Variants in HMGB1 observed in about 807,000 individuals in gnomAD.
HMGB1 encodes the protein high mobility group protein B1.
For missense variants in HMGB1, 79 were observed against 253.5 expected (o/e 0.31, Z 4.67); for synonymous variants, 81 against 84.0 (o/e 0.96, Z 0.19).
intron 1 of HMGB1, among the ~76,000 whole-genome samples, chr13:30,526,866 A>G (rs1301247586): frequency 1.3e-5 from 2 of 152,234 alleles, no homozygotes; most frequent in Non-Finnish European, 2.9e-5. Context: ...TGTTCTAATG[A>G]TTTAGCAGCA....
chr13:30,528,747 G>T (rs1227496379), intron 1 of HMGB1, among the ~76,000 whole-genome samples: 4 of 152,016 alleles, frequency 2.6e-5, no homozygotes, highest in African/African-American at 9.7e-5. Flanking sequence ...TGAATTTTGG[G>T]GCCGGGCGCG....
chr13:30,555,378 A>G (rs1326996711), intron 1 of HMGB1, among the ~76,000 whole-genome samples: 1 of 152,186 alleles, frequency 6.6e-6, no homozygotes, highest in East Asian at 1.9e-4. Context: ...ACGTAGAAAT[A>G]TGTAAAAGAA....
Position 30,538,689 on chromosome 13 carries a change from C to A in HMGB1, c.-14-74995G>T, listed in dbSNP as rs868757309. On this transcript the variant is annotated intron_variant, in intron 1 of 4. Transcript: ENST00000405805. ...CTTTCTTTCTTTCTTTCTTTCCTTT[C>A]TTTCTTTCTTTCTTTTTCTTTCTTT... Among the ~76,000 whole-genome samples, 148 of 65,864 alleles carry A rather than the reference C, an allele frequency of 2.2e-3. 1 individual carries two copies. Among genetic ancestry groups the A allele is most frequent in the African/African-American group, 3.7e-3 (50 of 13,696 alleles). 43.2% of individuals were successfully genotyped at this position (65,864 alleles called of 152,430 possible).
intron 1 of HMGB1, among the ~76,000 whole-genome samples, chr13:30,528,781 C>A (rs1199004415): frequency 6.6e-6 from 1 of 152,042 alleles, no homozygotes; most frequent in Non-Finnish European, 1.5e-5. Context: ...GTAATCCCAG[C>A]ACTTTGGGAG....
At chr13:30,471,442 G>C (rs1041657558) in intron 1 of HMGB1, among the ~76,000 whole-genome samples, 1 of 151,614 alleles carries the variant, frequency 6.6e-6, no homozygotes, top group African/African-American at 2.4e-5. Flanking sequence ...CTGTCTCCCA[G>C]GTTCAAGTGA....
At chr13:30,503,829 T>G (rs1887793084) in intron 1 of HMGB1, among the ~76,000 whole-genome samples, 1 of 151,698 alleles carries the variant, frequency 6.6e-6, no homozygotes, top group African/African-American at 2.4e-5. Context: ...GGCCATGGAG[T>G]GAGGACTGCT....
chr13:30,570,945 T>C (rs138329716), intron 1 of HMGB1, among the ~76,000 whole-genome samples: 1 of 152,374 alleles, frequency 6.6e-6, no homozygotes, highest in East Asian at 1.9e-4. Context: ...TTCACTTTCA[T>C]ATTCTTGTAA....
intron 1 of HMGB1, among the ~76,000 whole-genome samples, chr13:30,550,235 G>A (rs1021532193): frequency 6.6e-6 from 1 of 152,088 alleles, no homozygotes; most frequent in Non-Finnish European, 1.5e-5. Flanking sequence ...AGTCATGTAT[G>A]TTCATTTGTC....
chr13:30,483,180 A>T (rs940950993), intron 1 of HMGB1, among the ~76,000 whole-genome samples: 1 of 151,860 alleles, frequency 6.6e-6, no homozygotes, highest in Non-Finnish European at 1.5e-5. Flanking sequence ...AGCACTCCTC[A>T]CCCACAGGTG....
chr13:30,506,186 G>A (rs1652195482), intron 1 of HMGB1, among the ~76,000 whole-genome samples: 1 of 152,176 alleles, frequency 6.6e-6, no homozygotes, highest in Non-Finnish European at 1.5e-5. Flanking sequence ...AGCATCAGGG[G>A]ACCTGAACAG....
At chr13:30,492,322 CA>C (rs796448704) in intron 1 of HMGB1, among the ~76,000 whole-genome samples, 12 of 143,878 alleles carry the variant, frequency 8.3e-5, no homozygotes, top group Non-Finnish European at 1.2e-4. Flanking sequence ...AGCCTCATCT[CA>C]AAAAAAAATT....
At position 30,459,865 on chromosome 13, in the gene HMGB1, ATTATTAGT is replaced by A. The variant is rs1465804387; in HGVS notation, c.*1484_*1491del. ...TTAACTAGTATTTAAAACCTCTGCAATTATTAGTTTATTAGTATCATCCAGGACTCAGA... is the reference window on the plus strand; with the variant it reads ...TTAACTAGTATTTAAAACCTCTGCAATTATTAGTATCATCCAGGACTCAGA... On this transcript the variant is annotated 3_prime_UTR_variant, in exon 5 of 5. Transcript: ENST00000341423. 6.6e-6 allele frequency: 1 copy of A among 152,624 alleles called. No individual in the cohort carries two copies. The highest frequency in any genetic ancestry group is 1.5e-5 in the Non-Finnish European group (1 of 68,008). 9.5% of individuals were successfully genotyped at this position (152,624 alleles called of 1,614,324 possible).
intron 1 of HMGB1, among the ~76,000 whole-genome samples, chr13:30,465,437 G>C (rs1366076029): frequency 2.1e-5 from 3 of 141,468 alleles, no homozygotes. Flanking sequence ...CGCGCTCCGC[G>C]CACGCCGCCC....
At chr13:30,537,669 A>C (rs1187094362) in intron 1 of HMGB1, among the ~76,000 whole-genome samples, 6,939 of 101,856 alleles carry the variant, frequency 0.068, 690 homozygotes, top group African/African-American at 0.22. Flanking sequence ...ATATATATAT[A>C]TATATATATA....
At chr13:30,546,807 A>T (rs1294302432) in intron 1 of HMGB1, among the ~76,000 whole-genome samples, 1 of 152,224 alleles carries the variant, frequency 6.6e-6, no homozygotes, top group Non-Finnish European at 1.5e-5. Flanking sequence ...TCTTTATACA[A>T]TATTTCATTA....
intron 1 of HMGB1, among the ~76,000 whole-genome samples, chr13:30,590,590 G>C (rs1256779420): frequency 6.6e-6 from 1 of 152,264 alleles, no homozygotes; most frequent in East Asian, 1.9e-4. Context: ...TGTGAGCAAA[G>C]AAATGACAAG....
chr13:30,516,203 G>A (rs1888098532), intron 1 of HMGB1, among the ~76,000 whole-genome samples: 2 of 152,154 alleles, frequency 1.3e-5, no homozygotes, highest in Admixed American at 1.3e-4. Flanking sequence ...GGAAATGCTG[G>A]CCTGAACAAA....
At chr13:30,483,520 G>A (rs771174482) in intron 1 of HMGB1, among the ~76,000 whole-genome samples, 2 of 151,910 alleles carry the variant, frequency 1.3e-5, no homozygotes, top group African/African-American at 2.4e-5. Context: ...TCCGAGTGAC[G>A]TTTCTAAGGT....
chr13:30,489,746 T>C (rs564526805), intron 1 of HMGB1, among the ~76,000 whole-genome samples: 3 of 148,326 alleles, frequency 2.0e-5, no homozygotes, highest in Non-Finnish European at 4.4e-5. Flanking sequence ...TTTTTTTTTT[T>C]TTTCCTGAGA....
Sources: allele counts gnomAD v4.1 joint callset (sites outside exome capture counted in the v4.1 genomes callset), GRCh38; gene constraint gnomAD v4.1.1; transcripts MANE v1.5; gene names NCBI Gene and HGNC (gene_info 2026-07-23, HGNC 2026-07-21).